Variants in FBN1 observed in about 807,000 individuals in gnomAD.
FBN1 encodes fibrillin 1.
A neutral mutation model predicts 365.1 loss-of-function variants in FBN1; 29 were observed. The ratio of observed to expected loss-of-function variants is 0.08; its 90% CI spans 0.06 to 0.11. FBN1 has a LOEUF of 0.11. Ranked by LOEUF, FBN1 falls within the 10% of genes least tolerant of loss-of-function variation. The pLI, the probability that FBN1 is intolerant of heterozygous loss-of-function variation, is 1.00. For missense variants in FBN1, 2,476 were observed against 3,703.2 expected (o/e 0.67, Z 8.60); for synonymous variants, 1,210 against 1,270.5 (o/e 0.95, Z 1.01).
In FBN1 at chr15:48,494,078, C is replaced by T; in HGVS notation, c.2728+126G>A. 2.0e-5 allele frequency: 15 copies of T among 761,704 alleles called. No individual in the cohort carries two copies. The South Asian group carries it at 2.2e-4, about 11-fold the overall frequency. 47.2% of individuals were successfully genotyped at this position (761,704 alleles called of 1,614,324 possible). A position where few individuals can be genotyped will look rare whatever the true frequency, so the allele number is the denominator to read the frequency against. The stretch of plus-strand genomic sequence containing the variant: ...AACAGCTGTTCCGTTTTGTAGTTCT[C>T]ATTATTTTTTTTCTCTGCTGCATAT... On this transcript the variant is annotated intron_variant, in intron 23 of 65. Transcript: ENST00000316623.
chr15:48,509,364 A>G (rs2043739584), intron 14 of FBN1, among the ~76,000 whole-genome samples: 1 of 150,594 alleles, frequency 6.6e-6, no homozygotes, highest in Non-Finnish European at 1.5e-5. Context: ...GCTCTTTTAG[A>G]CACAGTGTTT....
At chr15:48,463,863 AC>A (rs1293862189) in intron 41 of FBN1, 35 bp downstream of exon 41, 1 of 1,581,256 alleles carries the variant, frequency 6.3e-7, no homozygotes, top group African/African-American at 1.4e-5. Flanking sequence ...GTAGATGAGA[AC>A]CAAACATGCA....
At chr15:48,428,966 T>A (rs540606669) in intron 56 of FBN1, among the ~76,000 whole-genome samples, 1 of 152,204 alleles carries the variant, frequency 6.6e-6, no homozygotes, top group African/African-American at 2.4e-5. Flanking sequence ...TTCTAATGTA[T>A]CCTTCCAGAG....
chr15:48,619,984 T>C (rs1016655299), intron 2 of FBN1, among the ~76,000 whole-genome samples: 1 of 152,134 alleles, frequency 6.6e-6, no homozygotes, highest in Middle Eastern at 3.2e-3. Context: ...TAAATTAACC[T>C]ATTGAGATAC....
intron 14 of FBN1, among the ~76,000 whole-genome samples, chr15:48,509,376 C>T (rs2043739625): frequency 6.7e-6 from 1 of 149,930 alleles, no homozygotes; most frequent in Non-Finnish European, 1.5e-5. Context: ...ACAGTGTTTT[C>T]ACTTACAGGC....
chr15:48,564,854 G>A (rs549816087), intron 6 of FBN1, among the ~76,000 whole-genome samples: 1 of 152,064 alleles, frequency 6.6e-6, no homozygotes, highest in African/African-American at 2.4e-5. Context: ...CTGGGTATCT[G>A]GTCTCACCTT....
At chr15:48,616,328 A>G (rs938023815) in intron 2 of FBN1, among the ~76,000 whole-genome samples, 16 of 152,262 alleles carry the variant, frequency 1.1e-4, no homozygotes, top group African/African-American at 3.9e-4. Flanking sequence ...TTCTTAAATC[A>G]TTCTAAATGC....
intron 4 of FBN1, among the ~76,000 whole-genome samples, chr15:48,610,331 G>A (rs1382607867): frequency 6.6e-6 from 1 of 152,124 alleles, no homozygotes; most frequent in Non-Finnish European, 1.5e-5. Context: ...TCTTAAATAA[G>A]TTTTTAATCA....
intron 2 of FBN1, among the ~76,000 whole-genome samples, chr15:48,613,449 T>C (rs1436827733): frequency 1.3e-5 from 2 of 152,120 alleles, no homozygotes; most frequent in East Asian, 1.9e-4. Context: ...TGTAATAAAA[T>C]CTAATGCACA....
chr15:48,449,979 A>C (rs1258971370), intron 45 of FBN1, among the ~76,000 whole-genome samples: 2 of 152,208 alleles, frequency 1.3e-5, no homozygotes, highest in African/African-American at 4.8e-5. Context: ...TTAGTAGATG[A>C]ATCATCATAC....
chr15:48,509,623 T>G (rs1019041434), intron 14 of FBN1, among the ~76,000 whole-genome samples: 4 of 150,550 alleles, frequency 2.7e-5, no homozygotes, highest in African/African-American at 9.7e-5. Flanking sequence ...ATTTTTACAT[T>G]ATATCTATTT....
rs142888621 is a variant in FBN1 at position 48,526,216 on chromosome 15, C to T, written c.902G>A (p.Gly301Glu). 1.9e-6 allele frequency: 3 copies of T among 1,613,904 alleles called. No homozygotes were observed. The highest frequency in any genetic ancestry group is 1.6e-4 in the Middle Eastern group (1 of 6,082). ...GCTGACTGTGTTTGTACATTCACCCCCTTCACAGATTCCAGGAATGGTGCT... is the reference window on the plus strand; with the variant it reads ...GCTGACTGTGTTTGTACATTCACCCTCTTCACAGATTCCAGGAATGGTGCT... ...ECSTIPGICE[G>E]GECTNTVSSY... The change falls in exon 9 of 66, where the codon GGG (glycine) becomes GAG (glutamate). Residue 301 changes from glycine (G) to glutamate (E), a missense_variant. Physicochemically the swap from Gly to Glu is moderately conservative, Grantham distance 98 (BLOSUM62 -2). Around this residue, in one of 5 missense-constraint regions of FBN1, gnomAD observed 421 missense variants for 520.1 expected, o/e 0.81. Coordinates refer to ENST00000316623, the MANE Select transcript of FBN1 (RefSeq NM_000138.5).
chr15:48,632,716 A>G (rs1021461136), intron 2 of FBN1, among the ~76,000 whole-genome samples: 3 of 152,208 alleles, frequency 2.0e-5, no homozygotes, highest in South Asian at 2.1e-4. Context: ...GCCAGGCTCA[A>G]ATAGGAAATA....
chr15:48,424,859 T>G (rs2042966345), intron 60 of FBN1, among the ~76,000 whole-genome samples: 1 of 152,184 alleles, frequency 6.6e-6, no homozygotes, highest in Non-Finnish European at 1.5e-5. Flanking sequence ...TAATTCTGTG[T>G]GATATTTATG....
intron 50 of FBN1, among the ~76,000 whole-genome samples, chr15:48,438,387 T>C (rs1387505974): frequency 6.6e-6 from 1 of 152,096 alleles, no homozygotes; most frequent in Non-Finnish European, 1.5e-5. Flanking sequence ...TTATTCTGTG[T>C]CCCCTAAACT....
At chr15:48,593,834 G>A (rs1361932285) in intron 6 of FBN1, among the ~76,000 whole-genome samples, 1 of 152,094 alleles carries the variant, frequency 6.6e-6, no homozygotes, top group African/African-American at 2.4e-5. Context: ...AGAGTACTAA[G>A]GGAAAATGTA....
At chr15:48,539,133 T>C (rs1387786302) in intron 6 of FBN1, among the ~76,000 whole-genome samples, 1 of 152,184 alleles carries the variant, frequency 6.6e-6, no homozygotes, top group Non-Finnish European at 1.5e-5. Flanking sequence ...TTGCTTTCTT[T>C]TTCTTGCATC....
intron 50 of FBN1, among the ~76,000 whole-genome samples, chr15:48,439,367 G>A (rs949310293): frequency 6.6e-6 from 1 of 152,206 alleles, no homozygotes; most frequent in Non-Finnish European, 1.5e-5. Flanking sequence ...AAGGTCAAGA[G>A]CAATAAAAGT....
rs1348091027 is a variant in FBN1 at position 48,526,289 on chromosome 15, A to G, written c.863-34T>C. ...TAAAAAAAAGAATCTCAGCATTTGT[A>G]GAACACAATATAAAACCATTCGTCA... On this transcript the variant is annotated intron_variant, in intron 8 of 65. Coordinates refer to ENST00000316623, the MANE Select transcript of FBN1 (RefSeq NM_000138.5). The G allele has an allele frequency of 3.1e-6, 5 of 1,612,322 alleles. No homozygotes were observed. In the Admixed American group the frequency reaches 5.0e-5, roughly 16 times the overall value.
Sources: allele counts gnomAD v4.1 joint callset (sites outside exome capture counted in the v4.1 genomes callset), GRCh38; gene constraint gnomAD v4.1.1; regional missense constraint gnomAD v4.1.1; transcripts MANE v1.5; gene names NCBI Gene and HGNC (gene_info 2026-07-23, HGNC 2026-07-21).